AGAP1: variants seen among roughly 807,000 people sequenced by gnomAD.
AGAP1 encodes the protein ArfGAP with GTPase domain, ankyrin repeat and PH domain 1, also known as arf-GAP with GTPase, ANK repeat and PH domain-containing protein 1.
AGAP1 carries 29 observed loss-of-function variants against 105.3 expected under a neutral mutation model. The observed-to-expected ratio is 0.28, with a 90% CI of 0.21 to 0.38. The LOEUF (loss-of-function observed/expected upper bound fraction) is 0.38. Ranked by LOEUF, AGAP1 falls within the 10% of genes least tolerant of loss-of-function variation. The probability of loss-of-function intolerance (pLI) is 1.00; values close to 1 mark genes in which losing one functional copy is unlikely to be tolerated. For synonymous variants in AGAP1, 509 were observed against 485.9 expected, an observed-to-expected ratio of 1.05 and a Z score of -0.63; for missense variants, 998 against 1,165.1, an observed-to-expected ratio of 0.86 and a Z score of 2.09.
chr2:235,772,846 C>T (rs1356269041), intron 6 of AGAP1, among the ~76,000 whole-genome samples: 2 of 152,182 alleles, frequency 1.3e-5, no homozygotes, highest in African/African-American at 4.8e-5. Flanking sequence ...TTCAGGAGGT[C>T]ACTGAGTCCT....
At position 235,728,778 on chromosome 2, in the gene AGAP1, G is replaced by C. The variant is rs982347173; in HGVS notation, c.310+11134G>C. ...ATACATTGAAATGAAAGCGTGCCTA[G>C]TGGAGCAAGAGCGGGGCGGGGAGGA... On this transcript the variant is annotated intron_variant, in intron 3 of 17. Transcript: ENST00000304032. This position sits in a 1 kb window ranked among gnomAD's most constrained non-coding sequence, Gnocchi z 4.3. 2.6e-5 allele frequency among the ~76,000 whole-genome samples: 4 copies of C among 152,190 alleles called. No homozygotes were observed. Among genetic ancestry groups the C allele is most frequent in the Admixed American group, 2.6e-4 (4 of 15,284 alleles).
chr2:236,081,342 C>A (rs946332105), intron 16 of AGAP1, among the ~76,000 whole-genome samples: 6 of 152,042 alleles, frequency 3.9e-5, no homozygotes, highest in African/African-American at 1.4e-4. Flanking sequence ...CCATACTGAC[C>A]CCCCAGGTTG....
At chr2:235,956,008 G>A (rs566164488) in intron 12 of AGAP1, among the ~76,000 whole-genome samples, 2 of 152,176 alleles carry the variant, frequency 1.3e-5, no homozygotes, top group Non-Finnish European at 2.9e-5. Context: ...AAATGTATGT[G>A]ATCAAAGAGG....
At chr2:235,536,024 C>T (rs982644383) in intron 1 of AGAP1, among the ~76,000 whole-genome samples, 1 of 151,930 alleles carries the variant, frequency 6.6e-6, no homozygotes, top group Non-Finnish European at 1.5e-5. Context: ...CTTTCAGTTC[C>T]CCTGGTGGTG....
chr2:235,644,758 T>TC (rs1166173740), intron 1 of AGAP1, among the ~76,000 whole-genome samples: 4 of 152,324 alleles, frequency 2.6e-5, no homozygotes, highest in African/African-American at 9.6e-5. Flanking sequence ...TCCACTATGA[T>TC]CCATGGATTG....
At chr2:235,666,761 A>C (rs977346171) in intron 1 of AGAP1, among the ~76,000 whole-genome samples, 1 of 151,666 alleles carries the variant, frequency 6.6e-6, no homozygotes, top group African/African-American at 2.4e-5. Context: ...GCCCTGAAGG[A>C]ATACTACCTT....
At chr2:235,805,299 C>T (rs939064411) in intron 8 of AGAP1, among the ~76,000 whole-genome samples, 1 of 152,120 alleles carries the variant, frequency 6.6e-6, no homozygotes, top group Non-Finnish European at 1.5e-5. Context: ...AGTTCATGTT[C>T]TAAGGTGTTT....
In AGAP1 at chr2:235,888,815, C is replaced by T. The variant is rs949557614; in HGVS notation, c.1155+5366C>T. On this transcript the variant is annotated intron_variant, in intron 10 of 17. Coordinates refer to ENST00000304032, the MANE Select transcript of AGAP1 (RefSeq NM_001037131.3). This position sits in a 1 kb window ranked among gnomAD's most constrained non-coding sequence, Gnocchi z 4.8. ...GTGGCCACTTCAGCTCCTGCGTGCT[C>T]CCAGCAGTGCCAGCATCCTCATACC... Among the ~76,000 whole-genome samples, 1 of 152,184 alleles carries T rather than the reference C, an allele frequency of 6.6e-6. No individual in the cohort carries two copies. The highest frequency in any genetic ancestry group is 1.5e-5 in the Non-Finnish European group (1 of 68,036).
intron 1 of AGAP1, among the ~76,000 whole-genome samples, chr2:235,666,019 A>G (rs1374627115): frequency 1.3e-5 from 2 of 152,256 alleles, no homozygotes; most frequent in Non-Finnish European, 2.9e-5. Context: ...TGGCCAAAGC[A>G]TCTCATAAAC....
Position 235,740,899 on chromosome 2 carries a change from C to A in AGAP1, c.311-64C>A, listed in dbSNP as rs1044759265. The A allele has an allele frequency of 5.0e-6, 8 of 1,600,630 alleles. No individual in the cohort carries two copies. In the African/African-American group the frequency reaches 9.4e-5, roughly 19 times the overall value. On this transcript the variant is annotated intron_variant, in intron 3 of 17. Coordinates refer to ENST00000304032, the MANE Select transcript of AGAP1 (RefSeq NM_001037131.3). This position sits in a 1 kb window ranked among gnomAD's most constrained non-coding sequence, Gnocchi z 5.7. The stretch of plus-strand genomic sequence containing the variant: ...TGTATTTTTCCACAAGCGAAGCCCA[C>A]GTCTGTCTGCCCTCCTCACTCTCTG...
intron 1 of AGAP1, among the ~76,000 whole-genome samples, chr2:235,534,412 A>C (rs1574787469): frequency 6.6e-6 from 1 of 152,122 alleles, no homozygotes; most frequent in South Asian, 2.1e-4. Context: ...CATTGGATTA[A>C]ATGTACACCT....
chr2:235,778,320 C>T (rs1173568448), intron 6 of AGAP1, among the ~76,000 whole-genome samples: 1 of 152,202 alleles, frequency 6.6e-6, no homozygotes, highest in Non-Finnish European at 1.5e-5. Context: ...CCACCCATTT[C>T]CCCCAGTTCT....
Position 235,799,470 on chromosome 2 carries a change from A to G in AGAP1, c.905A>G (p.Asn302Ser). Reference sequence around the variant, plus strand: ...CGGATCGATGTTCCTCCCACTGCCAACACGCCCACGCCCGTTCGCAAGCAG... The same window carrying G: ...CGGATCGATGTTCCTCCCACTGCCAGCACGCCCACGCCCGTTCGCAAGCAG... ...ELRIDVPPTA[N>S]TPTPVRKQSK... is the part of the protein sequence containing the mutation. Residue 302 changes from asparagine (N) to serine (S), a missense_variant, in exon 8 of 18, where the codon AAC (asparagine) becomes AGC (serine). Asn to Ser is a conservative substitution (Grantham distance 46). Around this residue, in one of 3 missense-constraint regions of AGAP1, gnomAD observed 735 missense variants for 833.4 expected, o/e 0.88. Transcript: ENST00000304032. The surrounding 1 kb of genome is among the most constrained non-coding windows in gnomAD (Gnocchi z 5.0). The G allele has an allele frequency of 1.9e-6, 3 of 1,614,144 alleles. No homozygotes were observed. Among genetic ancestry groups the G allele is most frequent in the Non-Finnish European group, 2.5e-6 (3 of 1,180,032 alleles).
At position 235,901,389 on chromosome 2, in the gene AGAP1, AAT is replaced by A. The variant is rs750257671; in HGVS notation, c.1156-7348_1156-7347del. Among the ~76,000 whole-genome samples the A allele has an allele frequency of 1.2e-4, 18 of 152,166 alleles. No individual in the cohort carries two copies. Among genetic ancestry groups the A allele is most frequent in the Non-Finnish European group, 1.6e-4 (11 of 68,030 alleles). On this transcript the variant is annotated intron_variant, in intron 10 of 17. Coordinates refer to ENST00000304032, the MANE Select transcript of AGAP1 (RefSeq NM_001037131.3). This position sits in a 1 kb window ranked among gnomAD's most constrained non-coding sequence, Gnocchi z 4.3. ...ATGAAGTGCAGTGAAAATAGGGAAT[AAT>A]GAGTCATTCTTTTCCTCCAGGAGAA...
rs1377231106 is a variant in AGAP1 at position 236,051,575 on chromosome 2, GT to G, written c.2114+2295del. Reference sequence around the variant, plus strand: ...GCCGGGCCTGTGGGGAGGTGTGCCTGTCGGCGAGTACAGCACCGTGGACGGG... The same window carrying G: ...GCCGGGCCTGTGGGGAGGTGTGCCTGCGGCGAGTACAGCACCGTGGACGGG... On this transcript the variant is annotated intron_variant, in intron 16 of 17. Coordinates refer to ENST00000304032, the MANE Select transcript of AGAP1 (RefSeq NM_001037131.3). The surrounding 1 kb of genome is among the most constrained non-coding windows in gnomAD (Gnocchi z 5.9). Among the ~76,000 whole-genome samples the G allele has an allele frequency of 6.6e-6, 1 of 152,310 alleles. No individual in the cohort carries two copies. Among genetic ancestry groups the G allele is most frequent in the East Asian group, 1.9e-4 (1 of 5,164 alleles).
chr2:236,079,745 G>T (rs1282315781), intron 16 of AGAP1, among the ~76,000 whole-genome samples: 2 of 152,072 alleles, frequency 1.3e-5, no homozygotes, highest in Admixed American at 6.6e-5. Flanking sequence ...GACAGGGAAG[G>T]GGGTGGTACA....
intron 1 of AGAP1, among the ~76,000 whole-genome samples, chr2:235,613,609 C>T (rs1310645292): frequency 1.3e-5 from 2 of 152,056 alleles, no homozygotes; most frequent in Non-Finnish European, 2.9e-5. Flanking sequence ...CCTTTATCTC[C>T]CCATTCTCCC....
intron 8 of AGAP1, among the ~76,000 whole-genome samples, chr2:235,806,942 A>G (rs1010327269): frequency 6.6e-6 from 1 of 152,154 alleles, no homozygotes. Context: ...GTTGGGCGTT[A>G]CTTTCCCATA....
intron 1 of AGAP1, chr2:235,670,052 C>G (rs1027087091): frequency 1.8e-5 from 7 of 388,020 alleles, no homozygotes; most frequent in Non-Finnish European, 3.2e-5. Flanking sequence ...GGCGCCCTCC[C>G]GGCCCGCGGG....
Sources: allele counts gnomAD v4.1 joint callset (sites outside exome capture counted in the v4.1 genomes callset), GRCh38; gene constraint gnomAD v4.1.1; regional missense constraint gnomAD v4.1.1; non-coding constraint Gnocchi (gnomAD v3.1); transcripts MANE v1.5; gene names NCBI Gene and HGNC (gene_info 2026-07-23, HGNC 2026-07-21).